The following CDKAL1 variants were observed in gnomAD, a reference collection of about 807,000 sequenced individuals.
The protein encoded by CDKAL1 is CDKAL1 threonylcarbamoyladenosine tRNA methylthiotransferase, also known as threonylcarbamoyladenosine tRNA methylthiotransferase.
CDKAL1 carries 32 observed loss-of-function variants against 68.2 expected under a neutral mutation model. That is an observed-to-expected ratio of 0.47 (90% confidence interval 0.35 to 0.63). The LOEUF is 0.63. Among genes scored for constraint, CDKAL1 ranks in the 30% least tolerant of loss-of-function variants. The pLI, the probability that CDKAL1 is intolerant of heterozygous loss-of-function variation, is 0.00. For missense variants in CDKAL1, 606 were observed against 696.7 expected, an observed-to-expected ratio of 0.87 and a Z score of 1.47; for synonymous variants, 234 against 244.3, an observed-to-expected ratio of 0.96 and a Z score of 0.39.
intron 5 of CDKAL1, among the ~76,000 whole-genome samples, chr6:20,677,935 CAG>C (rs1028795936): frequency 2.0e-5 from 3 of 152,038 alleles, no homozygotes; most frequent in Non-Finnish European, 4.4e-5. Flanking sequence ...GCAATGTGAT[CAG>C]AGTTATTTTT....
At chr6:21,072,676 CTTT>C (rs66763305) in intron 12 of CDKAL1, among the ~76,000 whole-genome samples, 2 of 131,166 alleles carry the variant, frequency 1.5e-5, no homozygotes, top group African/African-American at 2.8e-5. Context: ...AATAGAGTAT[CTTT>C]TTTTTTTTTT....
chr6:20,989,996 A>G (rs1766706112), intron 10 of CDKAL1, among the ~76,000 whole-genome samples: 1 of 152,158 alleles, frequency 6.6e-6, no homozygotes, highest in Non-Finnish European at 1.5e-5. Context: ...TAATCCTAGC[A>G]CTTTGGGAGG....
At chr6:21,169,622 G>A (rs1777292526) in intron 13 of CDKAL1, among the ~76,000 whole-genome samples, 1 of 152,162 alleles carries the variant, frequency 6.6e-6, no homozygotes, top group Non-Finnish European at 1.5e-5. Flanking sequence ...GGGTGACAGA[G>A]CGAGACTCTG....
chr6:20,648,194 T>A (rs1768573946), intron 4 of CDKAL1, among the ~76,000 whole-genome samples: 1 of 150,152 alleles, frequency 6.7e-6, no homozygotes, highest in Non-Finnish European at 1.5e-5. Flanking sequence ...GGCATAATGA[T>A]CTCGGCTCAC....
intron 15 of CDKAL1, among the ~76,000 whole-genome samples, chr6:21,210,943 C>T (rs1057291735): frequency 9.8e-5 from 15 of 152,302 alleles, no homozygotes; most frequent in African/African-American, 3.6e-4. Context: ...GGCAGAGGCC[C>T]CATGCCCCAT....
intron 13 of CDKAL1, among the ~76,000 whole-genome samples, chr6:21,161,046 G>A (rs1326466081): frequency 6.6e-6 from 1 of 152,114 alleles, no homozygotes; most frequent in Non-Finnish European, 1.5e-5. Flanking sequence ...TGTTGGCTGG[G>A]GGGGTGCAGT....
chr6:20,673,156 A>G (rs540551704), intron 5 of CDKAL1, among the ~76,000 whole-genome samples: 91 of 152,294 alleles, frequency 6.0e-4, no homozygotes, highest in African/African-American at 2.1e-3. Flanking sequence ...AGAATAGATG[A>G]TGGCTTCACA....
chr6:20,673,731 T>A (rs1769958417), intron 5 of CDKAL1, among the ~76,000 whole-genome samples: 1 of 152,140 alleles, frequency 6.6e-6, no homozygotes. Flanking sequence ...AAACAGGAGT[T>A]GCCCTGAACA....
chr6:21,019,669 G>C (rs906576570), intron 11 of CDKAL1, among the ~76,000 whole-genome samples: 5 of 152,128 alleles, frequency 3.3e-5, no homozygotes, highest in African/African-American at 1.2e-4. Context: ...TGACTGTCTT[G>C]TATGGTGTGC....
chr6:20,544,545 G>A (rs1487438411), intron 2 of CDKAL1, among the ~76,000 whole-genome samples: 2 of 132,540 alleles, frequency 1.5e-5, no homozygotes, highest in African/African-American at 5.9e-5. Flanking sequence ...GCAGTGAGTC[G>A]AGATCGCGCC....
chr6:20,552,013 G>A (rs1314021324), intron 4 of CDKAL1, among the ~76,000 whole-genome samples: 2 of 150,156 alleles, frequency 1.3e-5, no homozygotes, highest in African/African-American at 4.9e-5. Flanking sequence ...ACAGTTGTGT[G>A]CCTGGCTAAG....
intron 8 of CDKAL1, among the ~76,000 whole-genome samples, chr6:20,835,697 G>A (rs559999516): frequency 3.3e-5 from 5 of 152,086 alleles, no homozygotes; most frequent in African/African-American, 9.6e-5. Flanking sequence ...ACAGGCGTGC[G>A]CCACCAGGCC....
At chr6:20,667,339 A>G (rs943403060) in intron 5 of CDKAL1, among the ~76,000 whole-genome samples, 2 of 152,196 alleles carry the variant, frequency 1.3e-5, no homozygotes, top group Non-Finnish European at 2.9e-5. Flanking sequence ...TCTTAGCCAG[A>G]TAATTATAAT....
At chr6:21,112,947 T>C (rs1348194995) in intron 13 of CDKAL1, among the ~76,000 whole-genome samples, 3 of 152,220 alleles carry the variant, frequency 2.0e-5, no homozygotes, top group African/African-American at 7.2e-5. Flanking sequence ...CAGTTCAAAC[T>C]GATGCCTGGT....
chr6:21,155,602 G>A (rs1437917059), intron 13 of CDKAL1, among the ~76,000 whole-genome samples: 2 of 152,176 alleles, frequency 1.3e-5, no homozygotes, highest in Non-Finnish European at 2.9e-5. Flanking sequence ...GTGTCTCCTT[G>A]CTGTATTTCA....
chr6:20,700,240 A>T (rs1771281733), intron 5 of CDKAL1, among the ~76,000 whole-genome samples: 1 of 152,080 alleles, frequency 6.6e-6, no homozygotes. Flanking sequence ...CTGTAATCCC[A>T]GCTACTCAGG....
chr6:20,873,481 T>C (rs1354269904), intron 9 of CDKAL1, among the ~76,000 whole-genome samples: 3 of 152,162 alleles, frequency 2.0e-5, no homozygotes, highest in Non-Finnish European at 4.4e-5. Flanking sequence ...AGAACCTTAC[T>C]GAGTATGTAT....
rs1248518577 is a variant in CDKAL1, at chr6:20,560,624, A to G, written c.286+11919A>G. 1.3e-5 allele frequency among the ~76,000 whole-genome samples: 2 copies of G among 152,232 alleles called. 1 individual carries two copies. The highest frequency in any genetic ancestry group is 6.3e-3 in the Middle Eastern group (2 of 316). ...CTTATTAATCTTCAAGTCTATTAACATATAATATGGTTAAAGAGGCTTAAT... is the reference window on the plus strand; with the variant it reads ...CTTATTAATCTTCAAGTCTATTAACGTATAATATGGTTAAAGAGGCTTAAT... On this transcript the variant is annotated intron_variant, in intron 4 of 15. Coordinates refer to ENST00000274695, the MANE Select transcript of CDKAL1 (RefSeq NM_017774.3).
chr6:21,215,310 C>T (rs570537742), intron 15 of CDKAL1, among the ~76,000 whole-genome samples: 1 of 152,264 alleles, frequency 6.6e-6, no homozygotes, highest in African/African-American at 2.4e-5. Context: ...CAAGCCTCTG[C>T]ATGCATGATG....
Sources: allele counts gnomAD v4.1 joint callset (sites outside exome capture counted in the v4.1 genomes callset), GRCh38; gene constraint gnomAD v4.1.1; transcripts MANE v1.5; gene names NCBI Gene and HGNC (gene_info 2026-07-23, HGNC 2026-07-21).